Variants in CACNA1C observed in about 807,000 individuals in gnomAD.
CACNA1C encodes voltage-dependent L-type calcium channel subunit alpha-1C.
A neutral mutation model predicts 229.0 loss-of-function variants in CACNA1C; 30 were observed. That is an observed-to-expected ratio of 0.13 (90% CI 0.10 to 0.18). CACNA1C has a LOEUF of 0.18. Among genes scored for constraint, CACNA1C ranks in the 10% least tolerant of loss-of-function variants. The probability of loss-of-function intolerance (pLI) is 1.00; values close to 1 mark genes in which losing one functional copy is unlikely to be tolerated. For missense variants in CACNA1C, 1,658 were observed against 2,845.0 expected, an observed-to-expected ratio of 0.58 and a Z score of 9.49; for synonymous variants, 1,114 against 1,132.5, an observed-to-expected ratio of 0.98 and a Z score of 0.33.
chr12:2,573,550 C>T (rs561414286), intron 13 of CACNA1C, among the ~76,000 whole-genome samples: 2 of 152,314 alleles, frequency 1.3e-5, no homozygotes, highest in East Asian at 3.9e-4. Context: ...GCTTGGTGTA[C>T]ACATGGATTC....
intron 3 of CACNA1C, among the ~76,000 whole-genome samples, chr12:2,395,721 T>C (rs145837820): frequency 0.011 from 1,615 of 152,268 alleles, 25 homozygotes; most frequent in African/African-American, 0.037. Flanking sequence ...CATGTATTCC[T>C]TTCAACGCAG....
chr12:2,057,950 C>G (rs2154513836), intron 1 of CACNA1C, among the ~76,000 whole-genome samples: 1 of 152,272 alleles, frequency 6.6e-6, no homozygotes, highest in African/African-American at 2.4e-5. Flanking sequence ...GGGAAAAGAA[C>G]ACAAAAACAA....
chr12:2,036,767 C>T (rs1386560369), intron 1 of CACNA1C, among the ~76,000 whole-genome samples: 1 of 152,186 alleles, frequency 6.6e-6, no homozygotes, highest in East Asian at 1.9e-4. Context: ...CCCAGCCTCC[C>T]CTTTCCTATC....
At chr12:2,250,553 C>T (rs916887952) in intron 3 of CACNA1C, among the ~76,000 whole-genome samples, 18 of 152,312 alleles carry the variant, frequency 1.2e-4, no homozygotes, top group South Asian at 4.1e-4. Context: ...TGATGGCCTA[C>T]GCTGTAGCTG....
At chr12:2,065,878 A>T (rs2238013) in intron 1 of CACNA1C, among the ~76,000 whole-genome samples, 60,071 of 151,830 alleles carry the variant, frequency 0.4, 13,205 homozygotes, top group East Asian at 0.58. Context: ...GGCTGGAGCA[A>T]GGTTTTGCAG....
intron 3 of CACNA1C, among the ~76,000 whole-genome samples, chr12:2,315,698 A>G (rs2095654655): frequency 6.6e-6 from 1 of 152,184 alleles, no homozygotes; most frequent in South Asian, 2.1e-4. Flanking sequence ...AACCCTATTA[A>G]TTGTACGCAC....
chr12:2,155,098 C>A (rs1323754390), intron 3 of CACNA1C, among the ~76,000 whole-genome samples: 1 of 152,170 alleles, frequency 6.6e-6, no homozygotes, highest in African/African-American at 2.4e-5. Context: ...AATTCTCTTG[C>A]AATCCCACAG....
intron 16 of CACNA1C, among the ~76,000 whole-genome samples, chr12:2,584,850 G>A (rs555243989): frequency 3.3e-5 from 5 of 152,198 alleles, no homozygotes; most frequent in Non-Finnish European, 7.3e-5. Flanking sequence ...TTCTCCACCT[G>A]CTGGGATTAT....
intron 3 of CACNA1C, among the ~76,000 whole-genome samples, chr12:2,259,235 G>A (rs996959068): frequency 1.3e-5 from 2 of 152,116 alleles, no homozygotes; most frequent in Non-Finnish European, 2.9e-5. Context: ...CCCACACCCC[G>A]CCCTGCCCCA....
intron 1 of CACNA1C, among the ~76,000 whole-genome samples, chr12:2,016,764 C>T (rs1398536758): frequency 1.3e-5 from 2 of 152,176 alleles, no homozygotes; most frequent in Non-Finnish European, 2.9e-5. Context: ...ACCTGATCTA[C>T]CAGGCAATCT....
At chr12:2,609,400 G>C (rs986657608) in intron 27 of CACNA1C, among the ~76,000 whole-genome samples, 4 of 151,892 alleles carry the variant, frequency 2.6e-5, no homozygotes, top group African/African-American at 9.7e-5. Flanking sequence ...GCGCAGCGTG[G>C]TGTGCTCCTT....
At chr12:2,048,159 T>C (rs2051405294), upstream of CACNA1C, among the ~76,000 whole-genome samples, 1 of 152,180 alleles carries the variant, frequency 6.6e-6, no homozygotes, top group Admixed American at 6.5e-5. Flanking sequence ...CACAAATACC[T>C]GTTGTGGACA....
At chr12:2,076,332 A>C (rs558347890) in intron 1 of CACNA1C, among the ~76,000 whole-genome samples, 16 of 152,306 alleles carry the variant, frequency 1.1e-4, no homozygotes, top group Non-Finnish European at 1.3e-4. Context: ...TCACTTCTGG[A>C]TATTACACAT....
rs145404024 is a variant in CACNA1C, at chr12:2,326,232, G to A, written c.478-122744G>A. ...GGGGGCAGATAGTTAGGAGGATAAA[G>A]GTGGACGGTATAAGCTGCCCTTCAT... On this transcript the variant is annotated intron_variant, in intron 3 of 46. Transcript: ENST00000399655. 7.4e-4 allele frequency among the ~76,000 whole-genome samples: 113 copies of A among 152,332 alleles called. No homozygotes were observed. The Middle Eastern group carries it at 0.017, about 23-fold the overall frequency.
chr12:2,305,773 G>A (rs912676279), intron 3 of CACNA1C, among the ~76,000 whole-genome samples: 36 of 152,320 alleles, frequency 2.4e-4, no homozygotes, highest in Middle Eastern at 3.4e-3. Flanking sequence ...AACCTAGAAA[G>A]TGGAGGCTGC....
Position 2,101,849 on chromosome 12 carries a change from G to T in CACNA1C, c.50-13375G>T, listed in dbSNP as rs2283282. On this transcript the variant is annotated intron_variant, in intron 1 of 46. Transcript: ENST00000399655. ...CTCCTGTGTTCTAGTTCTGCTGCCT[G>T]GGAAAGCTGTACTCACCCTCTGCCT... Among the ~76,000 whole-genome samples, 4 of 151,752 alleles carry T rather than the reference G, an allele frequency of 2.6e-5. No individual in the cohort carries two copies. The East Asian group carries it at 7.7e-4, about 29-fold the overall frequency.
intron 1 of CACNA1C, among the ~76,000 whole-genome samples, chr12:2,007,056 T>A (rs2043595314): frequency 6.6e-6 from 1 of 152,226 alleles, no homozygotes; most frequent in African/African-American, 2.4e-5. Context: ...TAATCACATA[T>A]GTGCTTCTAA....
chr12:2,128,405 A>C (rs1046526773), intron 3 of CACNA1C, among the ~76,000 whole-genome samples: 2 of 151,924 alleles, frequency 1.3e-5, no homozygotes, highest in African/African-American at 2.4e-5. Flanking sequence ...AAAGGTAAAT[A>C]CATTATTTTT....
intron 3 of CACNA1C, among the ~76,000 whole-genome samples, chr12:2,183,613 C>T (rs747945029): frequency 1.2e-4 from 18 of 152,200 alleles, no homozygotes; most frequent in Non-Finnish European, 2.1e-4. Context: ...CACGGTCCCA[C>T]ACAAATGAAG....
Sources: gnomAD v4.1 joint callset for allele counts (sites outside exome capture counted in the v4.1 genomes callset) on GRCh38, gnomAD v4.1.1 for gene constraint, MANE v1.5 for transcripts, NCBI Gene and HGNC (gene_info 2026-07-23, HGNC 2026-07-21) for gene names.